The following CACNB1 variants were observed in gnomAD, a reference collection of about 807,000 sequenced individuals.
CACNB1 encodes calcium voltage-gated channel auxiliary subunit beta 1, also known as voltage-dependent L-type calcium channel subunit beta-1.
Under a neutral mutation model 71.6 loss-of-function variants are expected in CACNB1, and 29 were observed. The observed-to-expected ratio is 0.40, with a 90% CI of 0.30 to 0.55. CACNB1 has a LOEUF of 0.55. CACNB1 is among the 20% of genes least tolerant of loss of function. The pLI, the probability that CACNB1 is intolerant of heterozygous loss-of-function variation, is 0.38. For synonymous variants in CACNB1, 300 were observed against 319.6 expected, an observed-to-expected ratio of 0.94 and a Z score of 0.65; for missense variants, 623 against 801.8, an observed-to-expected ratio of 0.78 and a Z score of 2.69.
rs1455598563 is a variant in CACNB1 at position 39,197,520 on chromosome 17, C to G, written c.-25G>C. 2 of 1,476,740 alleles carry G rather than the reference C, an allele frequency of 1.4e-6. No individual in the cohort carries two copies. Among genetic ancestry groups the G allele is most frequent in the Admixed American group, 5.1e-5 (2 of 38,960 alleles). 91.5% of individuals were successfully genotyped at this position (1,476,740 alleles called of 1,614,324 possible). A position where few individuals can be genotyped will look rare whatever the true frequency, so the allele number is the denominator to read the frequency against. On this transcript the variant is annotated 5_prime_UTR_variant, in exon 1 of 14. Transcript: ENST00000394303. ...TGGAGAGGAGCCTCCCCTCCCGCCG[C>G]CGGCCCGGCCCAGCCGGGCTCCCTC...
Position 39,175,291 on chromosome 17 carries a change from G to A in CACNB1, c.1699C>T (p.Arg567Trp), listed in dbSNP as rs745746654. The A allele has an allele frequency of 4.3e-6, 7 of 1,614,020 alleles. No individual in the cohort carries two copies. The East Asian group carries it at 6.7e-5, about 15-fold the overall frequency. The change falls in exon 14 of 14, where the codon CGG becomes TGG. Residue 567 changes from arginine (R) to tryptophan (W), a missense_variant. Coordinates refer to ENST00000394303, the MANE Select transcript of CACNB1 (RefSeq NM_000723.5). The surrounding 1 kb of genome is among the most constrained non-coding windows in gnomAD (Gnocchi z 4.7). ...EELTDNRNRGRNKARYCAEGG... is the reference protein window; with the variant it reads ...EELTDNRNRGWNKARYCAEGG... ...TCAGCGCAGTAGCGGGCCTTATTCC[G>A]GCCCCGGTTCCGGTTGTCGGTCAGC...
In CACNB1 at chr17:39,186,950, G is replaced by A. The variant is rs1447653173; in HGVS notation, c.415-21C>T. The A allele has an allele frequency of 1.2e-6, 2 of 1,612,014 alleles. No individual in the cohort carries two copies. The highest frequency in any genetic ancestry group is 2.7e-5 in the African/African-American group (2 of 74,888). ...TATTTCTGCAAAGAATATGGCAGGT[G>A]GGTGGAAAGAGCAAGAGGGAAACTG... On this transcript the variant is annotated intron_variant, in intron 4 of 13. Transcript: ENST00000394303. The surrounding 1 kb of genome is among the most constrained non-coding windows in gnomAD (Gnocchi z 4.1).
intron 12 of CACNB1, among the ~76,000 whole-genome samples, 163 bp from the exon 13 acceptor site, chr17:39,177,698 T>C (rs2045622544): frequency 6.6e-6 from 1 of 152,104 alleles, no homozygotes; most frequent in East Asian, 1.9e-4. Context: ...GATCTACAGA[T>C]TGGCAGAACT....
At chr17:39,180,452 C>T (rs868572216) in intron 11 of CACNB1, among the ~76,000 whole-genome samples, 1 of 151,586 alleles carries the variant, frequency 6.6e-6, no homozygotes, top group Non-Finnish European at 1.5e-5. Context: ...GTCGGGAGTT[C>T]GAGACCAGCC....
intron 1 of CACNB1, 141 bp from the exon 2 acceptor site, chr17:39,195,111 G>A (rs536960074): frequency 8.5e-5 from 52 of 612,010 alleles, no homozygotes; most frequent in African/African-American, 7.8e-4. Flanking sequence ...TCCTCCTGAG[G>A]TGGTACGACC....
chr17:39,175,045 A>G lies in CACNB1; in HGVS notation c.*148T>C. ...GCCTCCCGGGAGCTGGGATGGTAAC[A>G]CCAAAGAAACCCCAAGCTTTGAGCA... On this transcript the variant is annotated 3_prime_UTR_variant, in exon 14 of 14. Coordinates refer to ENST00000394303, the MANE Select transcript of CACNB1 (RefSeq NM_000723.5). This position sits in a 1 kb window ranked among gnomAD's most constrained non-coding sequence, Gnocchi z 4.7. 1.4e-6 allele frequency: 1 copy of G among 706,174 alleles called. No homozygotes were observed. Among genetic ancestry groups the G allele is most frequent in the Non-Finnish European group, 2.4e-6 (1 of 424,720 alleles). 43.7% of individuals were successfully genotyped at this position (706,174 alleles called of 1,614,324 possible).
Position 39,184,819 on chromosome 17 carries a change from T to A in CACNB1, c.694A>T (p.Ile232Phe). ...PYDVVPSMRP[I>F]ILVGPSLKGY... ...TTGAGCGACGGTCCCACCAGGATGATGGGCCTCATGGAAGGCACCACGTCA... is the reference window on the plus strand; with the variant it reads ...TTGAGCGACGGTCCCACCAGGATGAAGGGCCTCATGGAAGGCACCACGTCA... The change falls in exon 8 of 14, where the codon ATC (isoleucine) becomes TTC (phenylalanine). Residue 232 changes from isoleucine to phenylalanine, a missense_variant. Physicochemically the swap from Ile to Phe is conservative, Grantham distance 21. Coordinates refer to ENST00000394303, the MANE Select transcript of CACNB1 (RefSeq NM_000723.5). 6.2e-7 allele frequency: 1 copy of A among 1,601,296 alleles called. No individual in the cohort carries two copies. The highest frequency in any genetic ancestry group is 8.5e-7 in the Non-Finnish European group (1 of 1,173,210).
In CACNB1 at chr17:39,197,552, T is replaced by C; in HGVS notation, c.-57A>G. ...GGCCCAGCCGGGCTCCCTCAGCGCA[T>C]GGGAGAGGCCGTGGGAGCCGAAAGC... is the stretch of plus-strand genomic sequence containing the variant. On this transcript the variant is annotated 5_prime_UTR_variant, in exon 1 of 14. The change abolishes an upstream ATG in the 5' untranslated region. Coordinates refer to ENST00000394303, the MANE Select transcript of CACNB1 (RefSeq NM_000723.5). 20 of 1,328,382 alleles carry C rather than the reference T, an allele frequency of 1.5e-5. No individual in the cohort carries two copies. The highest frequency in any genetic ancestry group is 1.9e-5 in the Non-Finnish European group (19 of 988,980). The allele number at this position is 1,328,382 out of a possible 1,614,324, so 82.3% of individuals were successfully genotyped here.
At chr17:39,177,053 A>G in intron 13 of CACNB1, 1 of 1,294,470 alleles carries the variant, frequency 7.7e-7, no homozygotes, top group Non-Finnish European at 1.0e-6. Flanking sequence ...TCCAGCGGGC[A>G]GCAGATGCGC....
Position 39,177,412 on chromosome 17 carries a change from G to A in CACNB1, c.1270C>T (p.Leu424=), listed in dbSNP as rs1044556739. The A allele has an allele frequency of 6.2e-7, 1 of 1,613,872 alleles. No individual in the cohort carries two copies. Residue 424 remains leucine, a synonymous_variant, in exon 13 of 14, where the codon CTG becomes TTG. Coordinates refer to ENST00000394303, the MANE Select transcript of CACNB1 (RefSeq NM_000723.5). ...PPSSTPPNPL[L]NRTMATAALA... ...GCTGCGGTAGCCATGGTGCGGTTCA[G>A]CAGCGGATTGGGTGGCGTGCTGCTG...
chr17:39,187,884 G>A (rs552782478), intron 3 of CACNB1, among the ~76,000 whole-genome samples: 1 of 151,992 alleles, frequency 6.6e-6, no homozygotes, highest in Non-Finnish European at 1.5e-5. Flanking sequence ...GTGGTGGTGG[G>A]TGCCTATAAT....
intron 1 of CACNB1, 39 bp from the exon 2 acceptor site, chr17:39,195,009 G>A: frequency 6.9e-7 from 1 of 1,447,106 alleles, no homozygotes; most frequent in East Asian, 2.3e-5. Flanking sequence ...AGAATCAGAA[G>A]GGCCCTTTCC....
rs1597705565 is a variant in CACNB1, at chr17:39,186,982, C to T, written c.415-53G>A. 1 of 1,593,934 alleles carries T rather than the reference C, an allele frequency of 6.3e-7. No homozygotes were observed. Among genetic ancestry groups the T allele is most frequent in the East Asian group, 2.2e-5 (1 of 44,572 alleles). On this transcript the variant is annotated intron_variant, in intron 4 of 13. Coordinates refer to ENST00000394303, the MANE Select transcript of CACNB1 (RefSeq NM_000723.5). The surrounding 1 kb of genome is among the most constrained non-coding windows in gnomAD (Gnocchi z 4.1). Reference sequence around the variant, plus strand: ...AAGAGCAAGAGGGAAACTGCAGGGGCAAGCTAGCAGTCACTCTCTAGGGGA... The same window carrying T: ...AAGAGCAAGAGGGAAACTGCAGGGGTAAGCTAGCAGTCACTCTCTAGGGGA...
chr17:39,178,274 C>T (rs1168827914), intron 11 of CACNB1, 195 bp from the exon 12 acceptor site: 7 of 548,228 alleles, frequency 1.3e-5, no homozygotes, highest in Non-Finnish European at 2.0e-5. Context: ...AAAGCTCAGG[C>T]TCTCTCCTGG....
Position 39,175,668 on chromosome 17 carries a change from G to A in CACNB1, c.1333-11C>T. The A allele has an allele frequency of 6.5e-7, 1 of 1,544,202 alleles. No homozygotes were observed. On this transcript the variant is annotated splice_polypyrimidine_tract_variant and intron_variant, in intron 13 of 13. Coordinates refer to ENST00000394303, the MANE Select transcript of CACNB1 (RefSeq NM_000723.5). The surrounding 1 kb of genome is among the most constrained non-coding windows in gnomAD (Gnocchi z 4.7). ...AGCAAGGTAGGGTCCCTGGTTAGCAGACGGACAGCACACACCATGCAGATC... is the reference window on the plus strand; with the variant it reads ...AGCAAGGTAGGGTCCCTGGTTAGCAAACGGACAGCACACACCATGCAGATC...
In CACNB1 at chr17:39,187,666, C is replaced by T. The variant is rs2045974698; in HGVS notation, c.292-65G>A. 4.5e-6 allele frequency: 7 copies of T among 1,557,152 alleles called. No individual in the cohort carries two copies. The South Asian group carries it at 6.7e-5, about 15-fold the overall frequency. On this transcript the variant is annotated intron_variant, in intron 3 of 13. Transcript: ENST00000394303. ...AAACCACAATGTAATGTACAACTTC[C>T]TGACAGTAGTGGTGGTTACTTGGAT...
chr17:39,187,475 C>T lies in CACNB1; in HGVS notation c.414+4G>A. The stretch of plus-strand genomic sequence containing the variant: ...ACTTCCCTGCCCTCCCTCCAGATAC[C>T]CACCTCCTTGATGTGCAGGAAGTCT... On this transcript the variant is annotated splice_donor_region_variant and intron_variant, in intron 4 of 13. Coordinates refer to ENST00000394303, the MANE Select transcript of CACNB1 (RefSeq NM_000723.5). The T allele has an allele frequency of 2.5e-6, 4 of 1,613,868 alleles. No individual in the cohort carries two copies. The highest frequency in any genetic ancestry group is 1.3e-5 in the African/African-American group (1 of 75,026).
Position 39,193,408 on chromosome 17 carries a change from G to A in CACNB1, c.171+1476C>T, listed in dbSNP as rs551808487. ...TGCCCTCCGTCAGCTTTCCTGAGAG[G>A]CTGTTCTACCCGCTGCCACCCCACT... On this transcript the variant is annotated intron_variant, in intron 2 of 13. Transcript: ENST00000394303. The A allele has an allele frequency of 1.0e-3, 434 of 425,978 alleles. 2 individuals are homozygous for A. Among genetic ancestry groups the A allele is most frequent in the African/African-American group, 8.6e-3 (411 of 47,680 alleles). 26.4% of individuals were successfully genotyped at this position (425,978 alleles called of 1,614,324 possible). A position where few individuals can be genotyped will look rare whatever the true frequency, so the allele number is the denominator to read the frequency against.
At position 39,194,282 on chromosome 17, in the gene CACNB1, G is replaced by A. The variant is rs1166352433; in HGVS notation, c.171+602C>T. ...GACTGAGCACAGAAGACCCCAGAAA[G>A]CTATTCTCAGTTACACCCTTTCAGG... On this transcript the variant is annotated intron_variant, in intron 2 of 13. Coordinates refer to ENST00000394303, the MANE Select transcript of CACNB1 (RefSeq NM_000723.5). This position sits in a 1 kb window ranked among gnomAD's most constrained non-coding sequence, Gnocchi z 4.6. 2.0e-5 allele frequency among the ~76,000 whole-genome samples: 3 copies of A among 152,252 alleles called. No individual in the cohort carries two copies. Among genetic ancestry groups the A allele is most frequent in the South Asian group, 4.1e-4 (2 of 4,828 alleles).
Sources: allele counts gnomAD v4.1 joint callset (sites outside exome capture counted in the v4.1 genomes callset), GRCh38; gene constraint gnomAD v4.1.1; non-coding constraint Gnocchi (gnomAD v3.1); transcripts MANE v1.5; gene names NCBI Gene and HGNC (gene_info 2026-07-23, HGNC 2026-07-21).